Variants in DCLK2 observed in about 807,000 individuals in gnomAD.
DCLK2 encodes serine/threonine-protein kinase DCLK2.
DCLK2 carries 31 observed loss-of-function variants against 78.4 expected under a neutral mutation model. The observed-to-expected ratio is 0.40, with a 90% CI of 0.30 to 0.53. The LOEUF is 0.53. DCLK2 is among the 20% of genes least tolerant of loss of function. The pLI is 0.61. For synonymous variants in DCLK2, 407 were observed against 374.9 expected (o/e 1.09, Z -0.99); for missense variants, 872 against 973.7 (o/e 0.90, Z 1.39).
intron 2 of DCLK2, among the ~76,000 whole-genome samples, chr4:150,136,521 G>A (rs60884760): frequency 0.4 from 60,797 of 152,064 alleles, 12,717 homozygotes; most frequent in South Asian, 0.66. Flanking sequence ...TCAAAGGAAT[G>A]GGGTTTTTGT....
At chr4:150,141,741 A>G (rs912211781) in intron 2 of DCLK2, among the ~76,000 whole-genome samples, 1 of 152,210 alleles carries the variant, frequency 6.6e-6, no homozygotes, top group African/African-American at 2.4e-5. Context: ...GCAATATGTG[A>G]TTCCAGAGCA....
chr4:150,175,007 A>ATATAT (rs1174522537), intron 2 of DCLK2, among the ~76,000 whole-genome samples: 1 of 18,146 alleles, frequency 5.5e-5, no homozygotes, highest in African/African-American at 1.5e-4. Context: ...CAAAAAAAAA[A>ATATAT]AAAAATATAT....
At chr4:150,178,384 A>G (rs2150276737) in intron 2 of DCLK2, among the ~76,000 whole-genome samples, 1 of 152,320 alleles carries the variant, frequency 6.6e-6, no homozygotes, top group Admixed American at 6.5e-5. Context: ...AGCCAATATC[A>G]ATTTCACTTT....
In DCLK2 at chr4:150,247,693, T is replaced by C. The variant is rs267600036; in HGVS notation, c.1869T>C (p.Ser623=). 2 of 1,613,898 alleles carry C rather than the reference T, an allele frequency of 1.2e-6. No homozygotes were observed. The highest frequency in any genetic ancestry group is 1.7e-6 in the Non-Finnish European group (2 of 1,179,862). ...CCTACTGGGATAACATCACGGACTC[T>C]GCCAAGGTACCCTCCAGGCCTGTTT... ...PAPYWDNITD[S]AKELISQMLQ... The change falls in exon 13 of 16, where the codon TCT becomes TCC. Residue 623 remains serine (S), a synonymous_variant. Coordinates refer to ENST00000296550, the MANE Select transcript of DCLK2 (RefSeq NM_001040260.4).
intron 5 of DCLK2, among the ~76,000 whole-genome samples, chr4:150,214,385 G>T (rs2126500620): frequency 6.6e-6 from 1 of 152,290 alleles, no homozygotes; most frequent in Middle Eastern, 3.4e-3. Context: ...CTGCTTTATA[G>T]CAACAACCAT....
intron 2 of DCLK2, among the ~76,000 whole-genome samples, chr4:150,109,218 A>G (rs1731479827): frequency 6.6e-6 from 1 of 152,212 alleles, no homozygotes; most frequent in African/African-American, 2.4e-5. Context: ...CAAATTGTTG[A>G]TAAGTATTCA....
chr4:150,223,310 T>A (rs180864160), intron 7 of DCLK2, among the ~76,000 whole-genome samples: 20 of 152,350 alleles, frequency 1.3e-4, no homozygotes, highest in African/African-American at 4.6e-4. Context: ...GAGTGTGTAC[T>A]ACAACCACCT....
chr4:150,193,810 C>T (rs1385366708), intron 3 of DCLK2, among the ~76,000 whole-genome samples: 8 of 151,884 alleles, frequency 5.3e-5, no homozygotes, highest in African/African-American at 1.5e-4. Flanking sequence ...TGCAGTGGCA[C>T]GATCACAGCT....
At chr4:150,200,176 G>A (rs1739352076) in intron 4 of DCLK2, among the ~76,000 whole-genome samples, 1 of 152,192 alleles carries the variant, frequency 6.6e-6, no homozygotes, top group East Asian at 1.9e-4. Context: ...CCAGAAGATA[G>A]CCTAATAAAT....
chr4:150,124,169 A>T (rs1732765657), intron 2 of DCLK2, among the ~76,000 whole-genome samples: 1 of 152,150 alleles, frequency 6.6e-6, no homozygotes, highest in Non-Finnish European at 1.5e-5. Context: ...CTCTCAGCAC[A>T]GTGTTGGAAA....
chr4:150,250,203 T>A (rs956723265), intron 15 of DCLK2, among the ~76,000 whole-genome samples: 1 of 152,202 alleles, frequency 6.6e-6, no homozygotes, highest in Non-Finnish European at 1.5e-5. Flanking sequence ...TATATTCATT[T>A]TTCAGGGTTG....
intron 10 of DCLK2, among the ~76,000 whole-genome samples, chr4:150,233,773 C>A (rs1235945813): frequency 6.6e-6 from 1 of 152,162 alleles, no homozygotes. Flanking sequence ...TAACTCTTAT[C>A]CATCCAACCC....
intron 2 of DCLK2, among the ~76,000 whole-genome samples, chr4:150,112,983 GTA>G (rs1731804818): frequency 6.6e-6 from 1 of 151,738 alleles, no homozygotes; most frequent in Admixed American, 6.6e-5. Context: ...GCTAGTTTTT[GTA>G]TTTTTAGTAG....
Position 150,204,520 on chromosome 4 carries a change from G to A in DCLK2, c.1056+631G>A, listed in dbSNP as rs146982847. ...TGCAAAATTTCAACAAGTTTTATTT[G>A]ATGTAGTAGTTCCTAATAATTTAAA... On this transcript the variant is annotated intron_variant, in intron 5 of 15. Transcript: ENST00000296550. 9.3e-3 allele frequency among the ~76,000 whole-genome samples: 1,416 copies of A among 152,276 alleles called. 25 individuals carry two copies. The highest frequency in any genetic ancestry group is 0.032 in the African/African-American group (1,339 of 41,556).
intron 12 of DCLK2, among the ~76,000 whole-genome samples, chr4:150,243,805 A>C (rs1743095523): frequency 6.7e-6 from 1 of 149,156 alleles, no homozygotes; most frequent in African/African-American, 2.5e-5. Flanking sequence ...AGGCTCAAGG[A>C]ATCCTCCCAC....
chr4:150,164,385 C>G (rs1211045223), intron 2 of DCLK2, among the ~76,000 whole-genome samples: 2 of 152,196 alleles, frequency 1.3e-5, no homozygotes, highest in African/African-American at 4.8e-5. Context: ...ACCCCCATAC[C>G]CTACTCCCAA....
At chr4:150,255,539 C>T (rs1288778376) in intron 15 of DCLK2, among the ~76,000 whole-genome samples, 1 of 152,220 alleles carries the variant, frequency 6.6e-6, no homozygotes. Flanking sequence ...CATCCAATTC[C>T]TGGGCCTTTT....
At chr4:150,116,643 C>A (rs9992748) in intron 2 of DCLK2, among the ~76,000 whole-genome samples, 21,997 of 152,142 alleles carry the variant, frequency 0.14, 1,988 homozygotes, top group Non-Finnish European at 0.21. Flanking sequence ...AGCACCAGCG[C>A]TGATAGAGGT....
rs146413786 is a variant in DCLK2, at chr4:150,235,444, G to A, written c.1566+2616G>A. On this transcript the variant is annotated intron_variant, in intron 10 of 15. Coordinates refer to ENST00000296550, the MANE Select transcript of DCLK2 (RefSeq NM_001040260.4). ...GTCTCAGAATGCAATCAGGAAATCA[G>A]AGTCACACTCCTCATTGAGTCTCAC... 2.4e-4 allele frequency among the ~76,000 whole-genome samples: 37 copies of A among 152,296 alleles called. No homozygotes were observed. In the East Asian group the frequency reaches 5.4e-3, roughly 22 times the overall value.
Sources: gnomAD v4.1 joint callset for allele counts (sites outside exome capture counted in the v4.1 genomes callset) on GRCh38, gnomAD v4.1.1 for gene constraint, MANE v1.5 for transcripts, NCBI Gene and HGNC (gene_info 2026-07-23, HGNC 2026-07-21) for gene names.